Variants in CPT1A observed in about 807,000 individuals in gnomAD.
CPT1A encodes the protein carnitine O-palmitoyltransferase 1, liver isoform.
In CPT1A, 64 loss-of-function variants were observed where a neutral mutation model predicts 100.8. That is an observed-to-expected ratio of 0.63 (90% CI 0.52 to 0.78). CPT1A has a LOEUF of 0.78. Among genes scored for constraint, CPT1A ranks in the 30% least tolerant of loss-of-function variants. CPT1A has a pLI of 0.00. For synonymous variants in CPT1A, 363 were observed against 396.0 expected (o/e 0.92, Z 0.99); for missense variants, 802 against 1,034.1 (o/e 0.78, Z 3.08).
intron 16 of CPT1A, among the ~76,000 whole-genome samples, chr11:68,760,619 C>T (rs537362107): frequency 1.8e-4 from 27 of 152,270 alleles, no homozygotes; most frequent in Admixed American, 1.3e-3. Context: ...GAGTAAGATT[C>T]GGAACGGGGA....
chr11:68,808,364 G>T (rs1196583458), intron 3 of CPT1A, among the ~76,000 whole-genome samples: 1 of 151,056 alleles, frequency 6.6e-6, no homozygotes, highest in East Asian at 1.9e-4. Flanking sequence ...AAAATGAGAT[G>T]AAATTCAGCT....
chr11:68,788,095 T>C (rs530316325), intron 9 of CPT1A, among the ~76,000 whole-genome samples: 9 of 152,214 alleles, frequency 5.9e-5, no homozygotes, highest in East Asian at 1.9e-4. Context: ...GCCTGCAGAA[T>C]TGTGAGAAAA....
rs1252358471 is a variant in CPT1A at position 68,838,580 on chromosome 11, A to AAAAC, written c.-14+3194_-14+3195insGTTT. On this transcript the variant is annotated intron_variant, in intron 1 of 18. Coordinates refer to ENST00000265641, the MANE Select transcript of CPT1A (RefSeq NM_001876.4). The stretch of plus-strand genomic sequence containing the variant: ...CTGTATCTGCACCTTTTTAAAAAAA[A>AAAAC]AAAAAAAAAAACAGAGACAGGGTCT... Among the ~76,000 whole-genome samples the AAAAC allele has an allele frequency of 1.2e-4, 17 of 145,124 alleles. 1 individual carries two copies. The highest frequency in any genetic ancestry group is 4.1e-4 in the African/African-American group (16 of 39,342).
At chr11:68,797,427 T>C (rs1208353649) in intron 6 of CPT1A, among the ~76,000 whole-genome samples, 1 of 152,170 alleles carries the variant, frequency 6.6e-6, no homozygotes, top group African/African-American at 2.4e-5. Context: ...TCTCAGCACT[T>C]TGGGAGGTTG....
intron 4 of CPT1A, among the ~76,000 whole-genome samples, chr11:68,806,409 G>A (rs190831552): frequency 2.0e-5 from 3 of 152,100 alleles, no homozygotes; most frequent in East Asian, 1.9e-4. Flanking sequence ...AAGGTGGGCC[G>A]ATCACTTGAG....
intron 1 of CPT1A, among the ~76,000 whole-genome samples, chr11:68,828,270 C>T (rs1414449340): frequency 1.3e-5 from 2 of 152,236 alleles, no homozygotes; most frequent in Non-Finnish European, 2.9e-5. Flanking sequence ...ACCTCGCCAT[C>T]GCTGCCACAT....
chr11:68,770,816 T>C (rs1243023857), intron 14 of CPT1A, among the ~76,000 whole-genome samples: 1 of 152,232 alleles, frequency 6.6e-6, no homozygotes, highest in African/African-American at 2.4e-5. Context: ...TGCGGGAAGC[T>C]GGTCTGTGCT....
rs753246966 is a variant in CPT1A, at chr11:68,781,752, C to T, written c.1352+19G>A. On this transcript the variant is annotated intron_variant, in intron 11 of 18. Transcript: ENST00000265641. Reference sequence around the variant, plus strand: ...AGCTCATGGGCAAACTCCTGTCTCTCAGAAGGTAAGGACGGTACCTGTCGT... The same window carrying T: ...AGCTCATGGGCAAACTCCTGTCTCTTAGAAGGTAAGGACGGTACCTGTCGT... The T allele has an allele frequency of 3.7e-6, 6 of 1,613,762 alleles. No homozygotes were observed. Among genetic ancestry groups the T allele is most frequent in the Non-Finnish European group, 5.1e-6 (6 of 1,179,596 alleles).
chr11:68,778,227 A>G (rs998266482), intron 12 of CPT1A, among the ~76,000 whole-genome samples: 3 of 152,100 alleles, frequency 2.0e-5, no homozygotes, highest in African/African-American at 7.2e-5. Flanking sequence ...CCCCTAACCT[A>G]GTCTTGGGAG....
Position 68,781,821 on chromosome 11 carries a change from C to A in CPT1A, c.1302G>T (p.Thr434=). 6.2e-7 allele frequency: 1 copy of A among 1,614,150 alleles called. No homozygotes were observed. Among genetic ancestry groups the A allele is most frequent in the Non-Finnish European group, 8.5e-7 (1 of 1,180,036 alleles). Residue 434 remains threonine, a synonymous_variant, in exon 11 of 19, where the codon ACG becomes ACT. Coordinates refer to ENST00000265641, the MANE Select transcript of CPT1A (RefSeq NM_001876.4). ...EEGYRSEDPD[T]SMDSYAKSLL... ...GAGATTTGGCGTAGCTGTCCATTGACGTATCCGGGTCTTCACTTCTGTATC... is the reference window on the plus strand; with the variant it reads ...GAGATTTGGCGTAGCTGTCCATTGAAGTATCCGGGTCTTCACTTCTGTATC...
At chr11:68,841,978 G>T (rs1361008591), upstream of CPT1A, 3 of 985,214 alleles carry the variant, frequency 3.0e-6, no homozygotes, top group Middle Eastern at 5.2e-4. This position sits in a 1 kb window ranked among gnomAD's most constrained non-coding sequence, Gnocchi z 6.3. Flanking sequence ...CGGAGGGCGG[G>T]CCCGGGGCCT....
intron 14 of CPT1A, among the ~76,000 whole-genome samples, chr11:68,768,300 C>T (rs2153996085): frequency 6.6e-6 from 1 of 152,088 alleles, no homozygotes; most frequent in South Asian, 2.1e-4. Context: ...TGGTCTCGAT[C>T]TTCTGACCTC....
chr11:68,782,021 T>G, intron 10 of CPT1A, 62 bp from the exon 11 acceptor site: 1 of 1,442,484 alleles, frequency 6.9e-7, no homozygotes. Flanking sequence ...GCGTGATGTT[T>G]GAAATGACAC....
At chr11:68,761,504 A>G (rs1304636291) in intron 16 of CPT1A, 31 bp downstream of exon 16, 1 of 1,611,612 alleles carries the variant, frequency 6.2e-7, no homozygotes, top group Non-Finnish European at 8.5e-7. Flanking sequence ...TCTAGCCAAT[A>G]CAACTGACGG....
At chr11:68,787,134 A>G (rs1421806124) in intron 9 of CPT1A, among the ~76,000 whole-genome samples, 2 of 152,206 alleles carry the variant, frequency 1.3e-5, no homozygotes, top group East Asian at 1.9e-4. Flanking sequence ...GTTTAAGCCA[A>G]TAAGAATACA....
At chr11:68,817,004 ATG>A (rs1204125482) in intron 1 of CPT1A, among the ~76,000 whole-genome samples, 2 of 39,100 alleles carry the variant, frequency 5.1e-5, no homozygotes, top group East Asian at 7.7e-4. Flanking sequence ...TGTGTGTGGT[ATG>A]TGTGGGGGGT....
chr11:68,825,600 TTTATGAC>T (rs1856704386), intron 1 of CPT1A, among the ~76,000 whole-genome samples: 1 of 152,092 alleles, frequency 6.6e-6, no homozygotes, highest in Non-Finnish European at 1.5e-5. Flanking sequence ...CAACAGGATT[TTTATGAC>T]CCTGGTGTAA....
At chr11:68,817,062 G>GT (rs1856436757) in intron 1 of CPT1A, among the ~76,000 whole-genome samples, 8 of 78,986 alleles carry the variant, frequency 1.0e-4, no homozygotes, top group Non-Finnish European at 1.7e-4. Context: ...TGTGGGGGGT[G>GT]GGTGTGTGTG....
At chr11:68,821,841 T>C (rs796335041) in intron 1 of CPT1A, among the ~76,000 whole-genome samples, 58 of 152,268 alleles carry the variant, frequency 3.8e-4, no homozygotes, top group African/African-American at 1.2e-3. Flanking sequence ...GGTCTTGGAA[T>C]GTATCCCCCC....
Sources: allele counts gnomAD v4.1 joint callset (sites outside exome capture counted in the v4.1 genomes callset), GRCh38; gene constraint gnomAD v4.1.1; non-coding constraint Gnocchi (gnomAD v3.1); transcripts MANE v1.5; gene names NCBI Gene and HGNC (gene_info 2026-07-23, HGNC 2026-07-21).